The following DNHD1 variants were observed in gnomAD, a reference collection of about 807,000 sequenced individuals.
DNHD1 encodes dynein heavy chain domain 1.
A neutral mutation model predicts 458.1 loss-of-function variants in DNHD1; 383 were observed. That is an observed-to-expected ratio of 0.84 (90% CI 0.77 to 0.91). DNHD1 has a LOEUF of 0.91. Ranked by LOEUF, DNHD1 falls within the 40% of genes least tolerant of loss-of-function variation. DNHD1 has a pLI of 0.00. For missense variants in DNHD1, 5,336 were observed against 5,866.1 expected (o/e 0.91, Z 2.95); for synonymous variants, 2,203 against 2,376.9 (o/e 0.93, Z 2.13).
At chr11:6,502,042 C>T (rs1852147127) in intron 3 of DNHD1, among the ~76,000 whole-genome samples, 1 of 152,126 alleles carries the variant, frequency 6.6e-6, no homozygotes, top group South Asian at 2.1e-4. Context: ...TAAATCATTC[C>T]AGAGTTTTTT....
At chr11:6,559,652 C>T (rs1239933263) in intron 28 of DNHD1, among the ~76,000 whole-genome samples, 1 of 152,202 alleles carries the variant, frequency 6.6e-6, no homozygotes, top group East Asian at 1.9e-4. Context: ...CCTCTTTTTC[C>T]ATAACACTTT....
rs1281250623 is a variant in DNHD1, at chr11:6,566,882, T to A, written c.11386-13T>A. ...GAAAGGGCCAGATCCATCCAACAAA[T>A]GAGTGTATGCAGGAGCGGCTGCTGA... On this transcript the variant is annotated splice_polypyrimidine_tract_variant and intron_variant, in intron 35 of 42. Transcript: ENST00000254579. 6.2e-7 allele frequency: 1 copy of A among 1,608,924 alleles called. No homozygotes were observed. The highest frequency in any genetic ancestry group is 1.7e-5 in the Admixed American group (1 of 59,702).
chr11:6,516,278 A>G (rs1268076530), intron 7 of DNHD1, among the ~76,000 whole-genome samples: 1 of 147,824 alleles, frequency 6.8e-6, no homozygotes, highest in East Asian at 2.0e-4. Context: ...TTGTTTTGTC[A>G]TAGTACTCTA....
chr11:6,560,278 T>C (rs1472975980), intron 28 of DNHD1, among the ~76,000 whole-genome samples: 2 of 152,208 alleles, frequency 1.3e-5, no homozygotes, highest in Non-Finnish European at 2.9e-5. Context: ...GCTCTTCTGA[T>C]AAGTGCCTTT....
At position 6,538,619 on chromosome 11, in the gene DNHD1, C is replaced by T. The variant is rs909842465; in HGVS notation, c.3134C>T (p.Pro1045Leu). The T allele has an allele frequency of 7.1e-6, 11 of 1,545,900 alleles. No individual in the cohort carries two copies. The highest frequency in any genetic ancestry group is 8.7e-6 in the Non-Finnish European group (10 of 1,143,234). The change falls in exon 16 of 43, where the codon CCA becomes CTA. Residue 1045 changes from proline (P) to leucine (L), a missense_variant. Around this residue, in one of 4 missense-constraint regions of DNHD1, gnomAD observed 3,932 missense variants for 4,365.6 expected, o/e 0.90. Transcript: ENST00000254579. ...WKCMAFAKFS[P>L]AMAQEKTEGW... ...GAGCCCTTCTCCCTGCAGTTCAGCC[C>T]AGCTATGGCCCAGGAGAAGACAGAG...
At position 6,498,258 on chromosome 11, in the gene DNHD1, ACAT is replaced by A; in HGVS notation, c.48_50del (p.Ser17del). The A allele has an allele frequency of 1.2e-6, 2 of 1,614,156 alleles. No individual in the cohort carries two copies. The highest frequency in any genetic ancestry group is 2.2e-5 in the South Asian group (2 of 91,084). On this transcript the variant is annotated inframe_deletion, in exon 3 of 43. Coordinates refer to ENST00000254579, the MANE Select transcript of DNHD1 (RefSeq NM_144666.3). ...GAGGGTAGGTTTGTCTTCTGATGAG[ACAT>A]CATCTGATTCCCTTAAGTCTTGGCA...
intron 18 of DNHD1, among the ~76,000 whole-genome samples, chr11:6,543,286 CA>C (rs1371958571): frequency 3.3e-5 from 5 of 152,132 alleles, no homozygotes; most frequent in Admixed American, 3.3e-4. Context: ...ACCTCATTTC[CA>C]GCCCTAGTCT....
In DNHD1 at chr11:6,548,236, T is replaced by C; in HGVS notation, c.6932T>C (p.Ile2311Thr). 2 of 1,551,686 alleles carry C rather than the reference T, an allele frequency of 1.3e-6. No homozygotes were observed. Among genetic ancestry groups the C allele is most frequent in the Non-Finnish European group, 1.7e-6 (2 of 1,146,984 alleles). Residue 2311 changes from isoleucine (I) to threonine (T), a missense_variant, in exon 23 of 43, where the codon ATA becomes ACA. This residue lies in a region of DNHD1 where 3,932 missense variants were observed against 4,365.6 expected (regional missense o/e 0.90). Coordinates refer to ENST00000254579, the MANE Select transcript of DNHD1 (RefSeq NM_144666.3). The surrounding 1 kb of genome is among the most constrained non-coding windows in gnomAD (Gnocchi z 4.4). ...TTCTGGCCCATCTTTGATACCTTCA[T>C]AAGGGATTCTATTAGTCGCCTCTCC... ...SRFWPIFDTF[I>T]RDSISRLSNY...
In DNHD1 at chr11:6,557,682, A is replaced by C. The variant is rs1853497146; in HGVS notation, c.8387A>C (p.Gln2796Pro). 2 of 1,551,606 alleles carry C rather than the reference A, an allele frequency of 1.3e-6. No homozygotes were observed. The highest frequency in any genetic ancestry group is 1.7e-6 in the Non-Finnish European group (2 of 1,146,996). The change falls in exon 25 of 43, where the codon CAG (glutamine) becomes CCG (proline). Residue 2796 changes from glutamine to proline, a missense_variant. Coordinates refer to ENST00000254579, the MANE Select transcript of DNHD1 (RefSeq NM_144666.3). ...SFKTWWQKKP[Q>P]MDLISPLLLP... ...AAGACTTGGTGGCAGAAGAAACCCCAGATGGACCTGATCTCACCCTTGTTG... is the reference window on the plus strand; with the variant it reads ...AAGACTTGGTGGCAGAAGAAACCCCCGATGGACCTGATCTCACCCTTGTTG...
chr11:6,557,051 C>T lies in DNHD1; in HGVS notation c.7756C>T (p.His2586Tyr), dbSNP rs1402371559. Residue 2586 changes from histidine to tyrosine, a missense_variant, in exon 25 of 43, where the codon CAC (histidine) becomes TAC (tyrosine). Coordinates refer to ENST00000254579, the MANE Select transcript of DNHD1 (RefSeq NM_144666.3). The part of the protein sequence containing the change: ...NCFMPSPLHP[H>Y]YHFSLHSVSH... ...CTTCATGCCTTCACCCCTCCACCCA[C>T]ACTACCACTTCTCCCTACACTCTGT... The T allele has an allele frequency of 6.4e-7, 1 of 1,551,546 alleles. No homozygotes were observed. Among genetic ancestry groups the T allele is most frequent in the African/African-American group, 1.4e-5 (1 of 73,014 alleles).
chr11:6,544,193 C>A lies in DNHD1; in HGVS notation c.3701C>A (p.Ser1234Ter). ...VLSKILAIEK[S>*]GDLNKIALEW... ...TCCAAGATCTTGGCCATCGAAAAGT[C>A]AGGAGATTTAAACAAAATAGCTTTG... The change falls in exon 19 of 43, where the codon TCA becomes TAA. Residue 1234 changes from serine to a stop codon, truncating the protein, a stop_gained. Coordinates refer to ENST00000254579, the MANE Select transcript of DNHD1 (RefSeq NM_144666.3). LOFTEE classifies it high-confidence loss of function. The A allele has an allele frequency of 6.4e-7, 1 of 1,551,564 alleles. No individual in the cohort carries two copies. The highest frequency in any genetic ancestry group is 8.7e-7 in the Non-Finnish European group (1 of 1,146,958).
rs746034689 is a variant in DNHD1, at chr11:6,548,429, G to C, written c.7098+27G>C. 3 of 1,547,076 alleles carry C rather than the reference G, an allele frequency of 1.9e-6. No individual in the cohort carries two copies. The highest frequency in any genetic ancestry group is 1.7e-4 in the Middle Eastern group (1 of 5,960). Reference sequence around the variant, plus strand: ...TGTGAGGACAGTAAGGCAAGAGCTGGGGTTAGAACTTCAGGACTTATTTTA... The same window carrying C: ...TGTGAGGACAGTAAGGCAAGAGCTGCGGTTAGAACTTCAGGACTTATTTTA... On this transcript the variant is annotated intron_variant, in intron 23 of 42. Coordinates refer to ENST00000254579, the MANE Select transcript of DNHD1 (RefSeq NM_144666.3). The surrounding 1 kb of genome is among the most constrained non-coding windows in gnomAD (Gnocchi z 4.4).
chr11:6,556,393 CTTA>C (rs1355852242), intron 24 of DNHD1, among the ~76,000 whole-genome samples: 7 of 152,190 alleles, frequency 4.6e-5, no homozygotes, highest in African/African-American at 1.4e-4. Flanking sequence ...GCTTCCAAAT[CTTA>C]TTATTCATTA....
At chr11:6,554,291 G>C (rs1853417417) in intron 24 of DNHD1, among the ~76,000 whole-genome samples, 1 of 152,056 alleles carries the variant, frequency 6.6e-6, no homozygotes, top group African/African-American at 2.4e-5. Flanking sequence ...GGAAAAAAAT[G>C]AACCATGTAT....
At chr11:6,526,817 C>T (rs941818058) in intron 10 of DNHD1, among the ~76,000 whole-genome samples, 4 of 152,174 alleles carry the variant, frequency 2.6e-5, no homozygotes, top group African/African-American at 9.7e-5. Flanking sequence ...CTTACCTCAC[C>T]TGTTCTTGGA....
chr11:6,549,337 C>G (rs1853287132), intron 24 of DNHD1, among the ~76,000 whole-genome samples: 1 of 152,224 alleles, frequency 6.6e-6, no homozygotes, highest in Non-Finnish European at 1.5e-5. Context: ...ACATCTCATT[C>G]TCCTTCACCA....
chr11:6,536,922 T>A (rs557654019), intron 14 of DNHD1, among the ~76,000 whole-genome samples: 1 of 152,324 alleles, frequency 6.6e-6, no homozygotes, highest in East Asian at 1.9e-4. Flanking sequence ...GAGTTTAGAT[T>A]TACTGTCATT....
In DNHD1 at chr11:6,548,882, T is replaced by G; in HGVS notation, c.7336T>G (p.Ser2446Ala). Residue 2446 changes from serine to alanine, a missense_variant, in exon 24 of 43, where the codon TCT becomes GCT. Physicochemically the swap from Ser to Ala is moderately conservative, Grantham distance 99 (BLOSUM62 1). Coordinates refer to ENST00000254579, the MANE Select transcript of DNHD1 (RefSeq NM_144666.3). This position sits in a 1 kb window ranked among gnomAD's most constrained non-coding sequence, Gnocchi z 4.4. ...CCCACAGCCTGGGCATCACCAGGAT[T>G]CTAAACCCTCCCTCCTCTTCTTGCT... ...ASPQPGHHQD[S>A]KPSLLFLLED... is the part of the protein sequence containing the mutation. The G allele has an allele frequency of 6.4e-7, 1 of 1,551,706 alleles. No homozygotes were observed. The highest frequency in any genetic ancestry group is 8.7e-7 in the Non-Finnish European group (1 of 1,146,984).
chr11:6,510,432 C>T (rs2134377819), intron 6 of DNHD1, among the ~76,000 whole-genome samples: 1 of 152,294 alleles, frequency 6.6e-6, no homozygotes, highest in South Asian at 2.1e-4. Flanking sequence ...CTTAGTGACT[C>T]ATTTTGAAAA....
Sources: allele counts gnomAD v4.1 joint callset (sites outside exome capture counted in the v4.1 genomes callset), GRCh38; gene constraint gnomAD v4.1.1; regional missense constraint gnomAD v4.1.1; non-coding constraint Gnocchi (gnomAD v3.1); transcripts MANE v1.5; gene names NCBI Gene and HGNC (gene_info 2026-07-23, HGNC 2026-07-21).